ELAPOR2: variants seen among roughly 807,000 people sequenced by gnomAD.
The protein encoded by ELAPOR2 is endosome/lysosome-associated apoptosis and autophagy regulator family member 2.
ELAPOR2 carries 89 observed loss-of-function variants against 120.7 expected under a neutral mutation model. That is an observed-to-expected ratio of 0.74 (90% confidence interval 0.62 to 0.88). The LOEUF is 0.88. Among genes scored for constraint, ELAPOR2 ranks in the 40% least tolerant of loss-of-function variants. The pLI is 0.00. For missense variants in ELAPOR2, 1,134 were observed against 1,251.6 expected, an observed-to-expected ratio of 0.91 and a Z score of 1.42; for synonymous variants, 444 against 444.9, an observed-to-expected ratio of 1.00 and a Z score of 0.03.
Position 86,938,190 on chromosome 7 carries a change from T to A in ELAPOR2, c.1025A>T (p.Glu342Val). ...FSEEGSSECTERPPCTTKDYF... is the reference protein window; with the variant it reads ...FSEEGSSECTVRPPCTTKDYF... The stretch of plus-strand genomic sequence containing the variant: ...GTCTTTTGTGGTACAGGGAGGGCGC[T>A]CTGTACACTCACTGGATCCTTCCTC... Residue 342 changes from glutamate (E) to valine (V), a missense_variant, in exon 8 of 22, where the codon GAG becomes GTG. This residue lies in a region of ELAPOR2 where 831 missense variants were observed against 867.6 expected (regional missense o/e 0.96). Transcript: ENST00000450689. The A allele has an allele frequency of 1.3e-6, 2 of 1,550,808 alleles. No individual in the cohort carries two copies. The highest frequency in any genetic ancestry group is 1.7e-6 in the Non-Finnish European group (2 of 1,145,722).
In ELAPOR2 at chr7:86,998,724, G is replaced by T. The variant is rs111558149; in HGVS notation, c.190-33700C>A. ...ACCTATTCAACTAGTTCACTTTCAG[G>T]GTTCTGTTCAAAGTAATAGAAACTA... is the stretch of plus-strand genomic sequence containing the variant. On this transcript the variant is annotated intron_variant, in intron 1 of 21. Transcript: ENST00000450689. 6.1e-3 allele frequency among the ~76,000 whole-genome samples: 935 copies of T among 152,178 alleles called. 11 individuals are homozygous for T. The highest frequency in any genetic ancestry group is 0.022 in the African/African-American group (904 of 41,510).
intron 21 of ELAPOR2, among the ~76,000 whole-genome samples, chr7:86,889,836 C>T (rs1160527844): frequency 1.3e-5 from 2 of 151,852 alleles, no homozygotes; most frequent in African/African-American, 4.8e-5. Flanking sequence ...TATCTGAGTG[C>T]CAGTGGAAAG....
intron 1 of ELAPOR2, among the ~76,000 whole-genome samples, chr7:86,982,173 GGAGCC>G (rs1310395459): frequency 6.6e-6 from 1 of 152,246 alleles, no homozygotes; most frequent in African/African-American, 2.4e-5. Flanking sequence ...CTAACTGGGC[GGAGCC>G]CAACGCAGCT....
intron 4 of ELAPOR2, 76 bp from the exon 5 acceptor site, chr7:86,942,180 C>T (rs1790827956): frequency 1.3e-6 from 1 of 777,032 alleles, no homozygotes; most frequent in Non-Finnish European, 2.2e-6. Flanking sequence ...CCAGCACAGA[C>T]TGCAAGAACC....
At chr7:87,040,787 AG>A (rs1794758661) in intron 1 of ELAPOR2, among the ~76,000 whole-genome samples, 1 of 152,256 alleles carries the variant, frequency 6.6e-6, no homozygotes, top group Non-Finnish European at 1.5e-5. Flanking sequence ...AGTTGAGAGA[AG>A]AAGGCTTCAG....
chr7:86,887,669 C>T (rs945290747), intron 21 of ELAPOR2, among the ~76,000 whole-genome samples: 11 of 152,080 alleles, frequency 7.2e-5, no homozygotes, highest in Non-Finnish European at 8.8e-5. Context: ...TTCTACATTT[C>T]CTACTGTCCA....
intron 5 of ELAPOR2, among the ~76,000 whole-genome samples, chr7:86,941,537 C>T (rs1790795548): frequency 6.6e-6 from 1 of 152,044 alleles, no homozygotes; most frequent in African/African-American, 2.4e-5. Flanking sequence ...CAGCACAGTA[C>T]CCAACAAAAC....
intron 1 of ELAPOR2, among the ~76,000 whole-genome samples, chr7:87,026,716 T>C (rs146675302): frequency 6.6e-6 from 1 of 152,120 alleles, no homozygotes; most frequent in African/African-American, 2.4e-5. Context: ...ACTAAGAACT[T>C]AGAGATAATG....
chr7:87,037,631 T>C (rs76296791), intron 1 of ELAPOR2, among the ~76,000 whole-genome samples: 3,672 of 152,314 alleles, frequency 0.024, 169 homozygotes, highest in African/African-American at 0.084. Flanking sequence ...ATTTCCCTTT[T>C]ATGTTCCTTC....
At chr7:86,980,956 G>T (rs922742723) in intron 1 of ELAPOR2, among the ~76,000 whole-genome samples, 1 of 152,152 alleles carries the variant, frequency 6.6e-6, no homozygotes, top group South Asian at 2.1e-4. Context: ...GGCCTGGAGA[G>T]GCTGACCTTT....
At chr7:86,907,586 A>G in intron 18 of ELAPOR2, 84 bp downstream of exon 18, 1 of 875,856 alleles carries the variant, frequency 1.1e-6, no homozygotes, top group Non-Finnish European at 1.7e-6. Flanking sequence ...CTTTATGTTC[A>G]TAGAGAATAT....
intron 3 of ELAPOR2, among the ~76,000 whole-genome samples, chr7:86,946,995 G>A (rs1442770385): frequency 6.6e-6 from 1 of 152,156 alleles, no homozygotes; most frequent in Non-Finnish European, 1.5e-5. Context: ...GAAAGGAAGG[G>A]AGGGAGGGAA....
At chr7:87,025,541 T>C (rs898094941) in intron 1 of ELAPOR2, among the ~76,000 whole-genome samples, 1 of 152,094 alleles carries the variant, frequency 6.6e-6, no homozygotes, top group South Asian at 2.1e-4. Context: ...ACTGGGTCTC[T>C]TGACTCACAG....
intron 1 of ELAPOR2, among the ~76,000 whole-genome samples, chr7:86,989,705 C>A (rs1190959900): frequency 6.6e-6 from 1 of 152,108 alleles, no homozygotes; most frequent in Non-Finnish European, 1.5e-5. Flanking sequence ...CAAGTGGAAT[C>A]CCTTTATTGA....
chr7:86,911,939 C>T, intron 15 of ELAPOR2, 133 bp downstream of exon 15: 1 of 912,756 alleles, frequency 1.1e-6, no homozygotes, highest in Non-Finnish European at 1.7e-6. Flanking sequence ...AATAGAGGAT[C>T]TAAGCAATCA....
chr7:86,976,522 A>G (rs115405881), intron 1 of ELAPOR2, among the ~76,000 whole-genome samples: 2,088 of 152,292 alleles, frequency 0.014, 54 homozygotes, highest in African/African-American at 0.048. Context: ...AACCCTGAGT[A>G]TTGAGCAAGG....
intron 1 of ELAPOR2, among the ~76,000 whole-genome samples, chr7:87,006,722 C>A (rs559171759): frequency 4.5e-4 from 69 of 152,210 alleles, no homozygotes; most frequent in Non-Finnish European, 7.4e-5. Context: ...GATATAAAAC[C>A]ATAATGTCCA....
chr7:86,960,445 G>T (rs1329644400), intron 2 of ELAPOR2, among the ~76,000 whole-genome samples: 1 of 152,020 alleles, frequency 6.6e-6, no homozygotes, highest in African/African-American at 2.4e-5. Flanking sequence ...TAGAGACGGG[G>T]TTTCACTATG....
At chr7:87,001,187 C>T (rs972606364) in intron 1 of ELAPOR2, among the ~76,000 whole-genome samples, 1 of 152,078 alleles carries the variant, frequency 6.6e-6, no homozygotes, top group Non-Finnish European at 1.5e-5. Flanking sequence ...TAGTGAGACA[C>T]GTGTGTTTAA....
Sources: allele counts gnomAD v4.1 joint callset (sites outside exome capture counted in the v4.1 genomes callset), GRCh38; gene constraint gnomAD v4.1.1; regional missense constraint gnomAD v4.1.1; transcripts MANE v1.5; gene names NCBI Gene and HGNC (gene_info 2026-07-23, HGNC 2026-07-21).